FSTL4: variants seen among roughly 807,000 people sequenced by gnomAD.
FSTL4 encodes the protein follistatin like 4.
Under a neutral mutation model 78.2 loss-of-function variants are expected in FSTL4, and 28 were observed. The ratio of observed to expected loss-of-function variants is 0.36; its 90% CI spans 0.27 to 0.49. The LOEUF (loss-of-function observed/expected upper bound fraction) is 0.49. Among genes scored for constraint, FSTL4 ranks in the 20% least tolerant of loss-of-function variants. The pLI, the probability that FSTL4 is intolerant of heterozygous loss-of-function variation, is 0.98. For missense variants in FSTL4, 922 were observed against 1,084.9 expected (o/e 0.85, Z 2.11); for synonymous variants, 422 against 440.5 (o/e 0.96, Z 0.53).
rs1406671671 is a variant in FSTL4, at chr5:133,426,733, ACAGT to A, written c.161-25751_161-25748del. Among the ~76,000 whole-genome samples the A allele has an allele frequency of 6.6e-6, 1 of 152,108 alleles. No homozygotes were observed. The highest frequency in any genetic ancestry group is 1.5e-5 in the Non-Finnish European group (1 of 68,020). ...CTCAGTCCTGTTATTTCCCAGGGAG[ACAGT>A]CAGCCAGTTCTGCTTTAATAATGCA... On this transcript the variant is annotated intron_variant, in intron 3 of 15. Transcript: ENST00000265342. This position sits in a 1 kb window ranked among gnomAD's most constrained non-coding sequence, Gnocchi z 5.0.
chr5:133,691,373 C>T, the FSTL4 span, among the ~76,000 whole-genome samples: 2 of 152,102 alleles, frequency 1.3e-5, no homozygotes, highest in Non-Finnish European at 2.9e-5. Context: ...TGGCAACACT[C>T]GGCCCAGACT....
chr5:133,787,632 C>T, the FSTL4 span, among the ~76,000 whole-genome samples: 1 of 151,188 alleles, frequency 6.6e-6, no homozygotes, highest in South Asian at 2.1e-4. Flanking sequence ...AGCCAAAATC[C>T]TCACTGGAGT....
intron 3 of FSTL4, among the ~76,000 whole-genome samples, chr5:133,464,181 C>T (rs1346934684): frequency 2.6e-5 from 4 of 152,314 alleles, no homozygotes; most frequent in South Asian, 2.1e-4. Context: ...CGCCCCTCCC[C>T]GTCTGCACAA....
chr5:133,548,607 A>G (rs1030917466), intron 3 of FSTL4, among the ~76,000 whole-genome samples: 2 of 152,320 alleles, frequency 1.3e-5, no homozygotes, highest in South Asian at 4.1e-4. Context: ...AGATACTAAC[A>G]CTACTGGCAT....
chr5:133,335,626 A>G (rs1218273416), intron 4 of FSTL4, among the ~76,000 whole-genome samples: 1 of 150,124 alleles, frequency 6.7e-6, no homozygotes, highest in African/African-American at 2.5e-5. Context: ...GGACAGCTTC[A>G]ATTTCTTTTT....
At chr5:133,744,012 G>T in the FSTL4 span, among the ~76,000 whole-genome samples, 1 of 152,222 alleles carries the variant, frequency 6.6e-6, no homozygotes, top group African/African-American at 2.4e-5. Flanking sequence ...GGCAGCCAGC[G>T]GAGGCCCATC....
rs1751119949 is a variant in FSTL4, at chr5:133,221,891, G to GTTTTTTTTTTTTTGTTTTTTT, written c.1340-1026_1340-1025insAAAAAAACAAAAAAAAAAAAA. 9.2e-5 allele frequency among the ~76,000 whole-genome samples: 4 copies of GTTTTTTTTTTTTTGTTTTTTT among 43,360 alleles called. 1 individual carries two copies. Among genetic ancestry groups the GTTTTTTTTTTTTTGTTTTTTT allele is most frequent in the African/African-American group, 2.1e-4 (4 of 18,808 alleles). The allele number at this position is 43,360 out of a possible 152,430, so 28.4% of individuals were successfully genotyped here. On this transcript the variant is annotated intron_variant, in intron 11 of 15. Transcript: ENST00000265342. ...AATATGTAGAAAAATCTCTTTTCTA[G>GTTTTTTTTTTTTTGTTTTTTT]TTTTTTTTTTTTTTTTTTTTTTTTT... is the stretch of plus-strand genomic sequence containing the variant.
At chr5:133,335,057 C>T (rs984866556) in intron 4 of FSTL4, among the ~76,000 whole-genome samples, 3 of 152,240 alleles carry the variant, frequency 2.0e-5, no homozygotes, top group Non-Finnish European at 4.4e-5. Flanking sequence ...TACACAAACA[C>T]TGTGAGCAAG....
chr5:133,833,336 G>T, the FSTL4 span, among the ~76,000 whole-genome samples: 1 of 152,220 alleles, frequency 6.6e-6, no homozygotes, highest in South Asian at 2.1e-4. Flanking sequence ...AATATGAAGA[G>T]ATTATTAAGA....
At chr5:133,408,311 G>A (rs953837762) in intron 3 of FSTL4, among the ~76,000 whole-genome samples, 2 of 152,114 alleles carry the variant, frequency 1.3e-5, no homozygotes, top group Non-Finnish European at 1.5e-5. Flanking sequence ...AACGTCACCT[G>A]AGGGAGCTGC....
chr5:133,655,891 T>C, the FSTL4 span, among the ~76,000 whole-genome samples: 2 of 152,202 alleles, frequency 1.3e-5, no homozygotes, highest in African/African-American at 4.8e-5. Flanking sequence ...GCCGTTATTA[T>C]TACTCCTCGT....
the FSTL4 span, among the ~76,000 whole-genome samples, chr5:133,740,111 T>G: frequency 6.6e-6 from 1 of 152,096 alleles, no homozygotes; most frequent in Non-Finnish European, 1.5e-5. Context: ...TCAAGAGTCG[T>G]GCACTCAAGC....
At chr5:133,496,817 C>T (rs551552227) in intron 3 of FSTL4, among the ~76,000 whole-genome samples, 2 of 152,292 alleles carry the variant, frequency 1.3e-5, no homozygotes, top group African/African-American at 4.8e-5. Context: ...CCCACCAAGC[C>T]ATCGTAAGCC....
chr5:133,398,388 T>C (rs773547476), intron 4 of FSTL4, among the ~76,000 whole-genome samples: 1 of 152,110 alleles, frequency 6.6e-6, no homozygotes, highest in Non-Finnish European at 1.5e-5. Context: ...TAGGTGGACA[T>C]TGCTGGGAGA....
At chr5:133,240,678 A>G (rs1374761596) in intron 7 of FSTL4, among the ~76,000 whole-genome samples, 3 of 152,068 alleles carry the variant, frequency 2.0e-5, no homozygotes, top group Non-Finnish European at 4.4e-5. Context: ...CGCATGACTC[A>G]TCTCTTCGCG....
intron 3 of FSTL4, among the ~76,000 whole-genome samples, chr5:133,432,453 T>C (rs562331455): frequency 1.3e-5 from 2 of 152,322 alleles, no homozygotes; most frequent in African/African-American, 4.8e-5. Flanking sequence ...TAGTACCTAA[T>C]TTCTCAGGCT....
At chr5:133,529,260 T>C (rs1382825924) in intron 3 of FSTL4, among the ~76,000 whole-genome samples, 1 of 152,206 alleles carries the variant, frequency 6.6e-6, no homozygotes, top group Non-Finnish European at 1.5e-5. Context: ...GATAAATGAC[T>C]TGCCCAAAAT....
chr5:133,370,989 G>A (rs1455945002), intron 4 of FSTL4, among the ~76,000 whole-genome samples: 3 of 152,174 alleles, frequency 2.0e-5, no homozygotes, highest in African/African-American at 4.8e-5. Flanking sequence ...ACAGACGTGA[G>A]CTTGGACATC....
chr5:133,644,544 A>C, the FSTL4 span, among the ~76,000 whole-genome samples: 2 of 152,176 alleles, frequency 1.3e-5, no homozygotes, highest in Admixed American at 6.5e-5. Context: ...GGATACAGGG[A>C]AACCACCGTG....
Sources: allele counts gnomAD v4.1 joint callset (sites outside exome capture counted in the v4.1 genomes callset), GRCh38; gene constraint gnomAD v4.1.1; non-coding constraint Gnocchi (gnomAD v3.1); transcripts MANE v1.5; gene names NCBI Gene and HGNC (gene_info 2026-07-23, HGNC 2026-07-21).